RRM2: variants seen among roughly 807,000 people sequenced by gnomAD.
The protein encoded by RRM2 is ribonucleotide reductase regulatory subunit M2, also known as ribonucleoside-diphosphate reductase subunit M2.
RRM2 carries 6 observed loss-of-function variants against 45.9 expected under a neutral mutation model. The observed-to-expected ratio is 0.13, with a 90% CI of 0.07 to 0.26. The LOEUF (loss-of-function observed/expected upper bound fraction) is 0.26. RRM2 is among the 10% of genes least tolerant of loss of function. RRM2 has a pLI of 1.00. For synonymous variants in RRM2, 177 were observed against 173.0 expected (o/e 1.02, Z -0.18); for missense variants, 343 against 489.5 (o/e 0.70, Z 2.82).
chr2:10,180,112 G>A (rs1424465075), intron 3 of RRM2, among the ~76,000 whole-genome samples: 1 of 152,198 alleles, frequency 6.6e-6, no homozygotes, highest in African/African-American at 2.4e-5. Flanking sequence ...GGTCTCAGCT[G>A]AGGCTTACAG....
chr2:10,145,061 T>A (rs1663161147), intron 3 of RRM2, among the ~76,000 whole-genome samples: 1 of 150,412 alleles, frequency 6.6e-6, no homozygotes. Flanking sequence ...TGTGGGAGAG[T>A]GGAAGCTGCG....
In RRM2 at chr2:10,123,392, T is replaced by C. The variant is rs765600357; in HGVS notation, c.180T>C (p.Thr60=). ...RIFQEPTEPK[T]KAAAPGVEDE... ...TTTATTTTCTCCCCCAACAGAAAAC[T>C]AAAGCAGCTGCCCCCGGCGTGGAGG... The change falls in exon 3 of 10, where the codon ACT becomes ACC. Residue 60 remains threonine, a synonymous_variant. Transcript: ENST00000304567. 1 of 1,602,214 alleles carries C rather than the reference T, an allele frequency of 6.2e-7. No homozygotes were observed. The highest frequency in any genetic ancestry group is 8.5e-7 in the Non-Finnish European group (1 of 1,176,938).
chr2:10,135,962 T>G (rs996226826), downstream of RRM2, among the ~76,000 whole-genome samples: 3 of 149,106 alleles, frequency 2.0e-5, no homozygotes, highest in Admixed American at 1.3e-4. Flanking sequence ...TAGTCATGTG[T>G]TTTTTTTTTA....
chr2:10,127,178 G>A lies in RRM2; in HGVS notation c.756G>A (p.Met252Ile). ...TCTGGCTCAAGAAACGAGGACTGAT[G>A]CCTGGCCTCACATTTTCTAATGAAC... ...SIFWLKKRGLMPGLTFSNELI... is the reference protein window; with the variant it reads ...SIFWLKKRGLIPGLTFSNELI... Residue 252 changes from methionine to isoleucine, a missense_variant, in exon 7 of 10, where the codon ATG becomes ATA. Around this residue, in one of 2 missense-constraint regions of RRM2, gnomAD observed 212 missense variants for 368.1 expected, o/e 0.58. Coordinates refer to ENST00000304567, the MANE Select transcript of RRM2 (RefSeq NM_001034.4). The surrounding 1 kb of genome is among the most constrained non-coding windows in gnomAD (Gnocchi z 4.1). 1 of 1,614,096 alleles carries A rather than the reference G, an allele frequency of 6.2e-7. No individual in the cohort carries two copies. Among genetic ancestry groups the A allele is most frequent in the Non-Finnish European group, 8.5e-7 (1 of 1,180,022 alleles).
downstream of RRM2, among the ~76,000 whole-genome samples, chr2:10,132,552 G>A (rs1236875117): frequency 1.3e-5 from 2 of 152,138 alleles, no homozygotes; most frequent in Non-Finnish European, 2.9e-5. Context: ...ATTTTTATCT[G>A]TCTTTATATT....
intron 3 of RRM2, among the ~76,000 whole-genome samples, chr2:10,196,819 C>T (rs1172526001): frequency 1.3e-5 from 2 of 152,220 alleles, no homozygotes; most frequent in African/African-American, 2.4e-5. Context: ...TGACTGATGC[C>T]AGGGCCTCAG....
At chr2:10,187,700 G>T (rs1364160621) in intron 3 of RRM2, among the ~76,000 whole-genome samples, 1 of 152,194 alleles carries the variant, frequency 6.6e-6, no homozygotes, top group African/African-American at 2.4e-5. Context: ...TACCTCTTGG[G>T]CTTGCCCTGC....
intron 3 of RRM2, among the ~76,000 whole-genome samples, chr2:10,174,153 C>T (rs1040850866): frequency 6.6e-5 from 10 of 152,176 alleles, no homozygotes; most frequent in African/African-American, 7.2e-5. Context: ...GGGGAGGAGG[C>T]GGCTGCCTCC....
chr2:10,192,929 G>A (rs947705067), intron 3 of RRM2, among the ~76,000 whole-genome samples: 10 of 152,200 alleles, frequency 6.6e-5, no homozygotes, highest in African/African-American at 2.4e-4. Context: ...TCTCTGACCC[G>A]CATGTCCCTT....
At chr2:10,158,839 G>A (rs183768984) in intron 3 of RRM2, among the ~76,000 whole-genome samples, 8 of 152,084 alleles carry the variant, frequency 5.3e-5, no homozygotes, top group African/African-American at 1.2e-4. Context: ...CTTCTCTCCC[G>A]GGAGCTCGGG....
chr2:10,162,641 A>G (rs974135828), intron 3 of RRM2, among the ~76,000 whole-genome samples: 3 of 152,060 alleles, frequency 2.0e-5, no homozygotes, highest in Non-Finnish European at 4.4e-5. Context: ...TTAGCCTTAG[A>G]GTCAGGCCCA....
downstream of RRM2, among the ~76,000 whole-genome samples, chr2:10,135,475 G>C (rs1371217897): frequency 2.0e-5 from 3 of 152,132 alleles, no homozygotes; most frequent in African/African-American, 7.2e-5. Context: ...CCAAAGTAGG[G>C]GCCCTGGTGG....
rs1297660053 is a variant in RRM2 at position 10,162,134 on chromosome 2, C to T, written n.482+19759C>T. Among the ~76,000 whole-genome samples, 4 of 152,232 alleles carry T rather than the reference C, an allele frequency of 2.6e-5. No individual in the cohort carries two copies. The South Asian group carries it at 6.2e-4, about 24-fold the overall frequency. On this transcript the variant is annotated intron_variant and non_coding_transcript_variant, in intron 3 of 3. Transcript: ENST00000381786. ...GAATGGTGCCCTGTCAACAGTGATA[C>T]ACCTGCTGTTTAGTGGGAAGAGAGG...
rs774789672 is a variant in RRM2, at chr2:10,204,258, C to T, written n.483-6053C>T. 6.6e-6 allele frequency among the ~76,000 whole-genome samples: 1 copy of T among 152,078 alleles called. No homozygotes were observed. Among genetic ancestry groups the T allele is most frequent in the Admixed American group, 6.5e-5 (1 of 15,274 alleles). On this transcript the variant is annotated intron_variant and non_coding_transcript_variant, in intron 3 of 3. Transcript: ENST00000381786. The surrounding 1 kb of genome is among the most constrained non-coding windows in gnomAD (Gnocchi z 4.0). ...GACTGACCCGTGATGGGCATGGGAGCCCAGAAAAAGGCCCCATCCAGCCTG... is the reference window on the plus strand; with the variant it reads ...GACTGACCCGTGATGGGCATGGGAGTCCAGAAAAAGGCCCCATCCAGCCTG...
chr2:10,125,006 G>A lies in RRM2; in HGVS notation c.569+156G>A, dbSNP rs182467300. 183 of 593,536 alleles carry A rather than the reference G, an allele frequency of 3.1e-4. 3 individuals are homozygous for A. The highest frequency in any genetic ancestry group is 3.0e-3 in the African/African-American group (160 of 53,872). 36.8% of individuals were successfully genotyped at this position (593,536 alleles called of 1,614,324 possible). A position where few individuals can be genotyped will look rare whatever the true frequency, so the allele number is the denominator to read the frequency against. On this transcript the variant is annotated intron_variant, in intron 5 of 9. Transcript: ENST00000304567. ...GTGGTCATGTCTGCTCTTAGCAAGG[G>A]GCCTAAATGCACTTTATTATTCACT... is the stretch of plus-strand genomic sequence containing the variant.
At chr2:10,137,130 T>G (rs931477166), upstream of RRM2, among the ~76,000 whole-genome samples, 1 of 152,224 alleles carries the variant, frequency 6.6e-6, no homozygotes, top group African/African-American at 2.4e-5. Context: ...TCACTTGATC[T>G]GCACAGCCAC....
At chr2:10,183,448 C>T (rs1246025436) in intron 3 of RRM2, among the ~76,000 whole-genome samples, 1 of 152,236 alleles carries the variant, frequency 6.6e-6, no homozygotes, top group Non-Finnish European at 1.5e-5. Context: ...GCCCTTTGGG[C>T]CAGCCCGGCT....
chr2:10,166,261 G>A (rs1663678583), intron 3 of RRM2, among the ~76,000 whole-genome samples: 1 of 152,236 alleles, frequency 6.6e-6, no homozygotes, highest in South Asian at 2.1e-4. Context: ...TTCCAGAGCT[G>A]AGTGCGGGAG....
chr2:10,124,191 C>T (rs1243065701), intron 4 of RRM2: 7 of 269,324 alleles, frequency 2.6e-5, no homozygotes, highest in Admixed American at 5.2e-5. Flanking sequence ...CTGCAACCTC[C>T]GCCTCCTGGG....
Sources: allele counts gnomAD v4.1 joint callset (sites outside exome capture counted in the v4.1 genomes callset), GRCh38; gene constraint gnomAD v4.1.1; regional missense constraint gnomAD v4.1.1; non-coding constraint Gnocchi (gnomAD v3.1); transcripts MANE v1.5; gene names NCBI Gene and HGNC (gene_info 2026-07-23, HGNC 2026-07-21).